The following CALN1 variants were observed in gnomAD, a reference collection of about 807,000 sequenced individuals.
CALN1 encodes calcium-binding protein 8.
CALN1 carries 17 observed loss-of-function variants against 30.6 expected under a neutral mutation model. The observed-to-expected ratio is 0.56, with a 90% CI of 0.38 to 0.83. CALN1 has a LOEUF of 0.83. CALN1 is among the 40% of genes least tolerant of loss of function. The pLI, the probability that CALN1 is intolerant of heterozygous loss-of-function variation, is 0.00. For missense variants in CALN1, 291 were observed against 354.9 expected (o/e 0.82, Z 1.45); for synonymous variants, 156 against 131.4 (o/e 1.19, Z -1.28).
At position 72,049,525 on chromosome 7, in the gene CALN1, G is replaced by A. The variant is rs144249488; in HGVS notation, c.389-25756C>T. Among the ~76,000 whole-genome samples the A allele has an allele frequency of 7.8e-4, 119 of 152,238 alleles. No individual in the cohort carries two copies. In the East Asian group the frequency reaches 0.02, roughly 26 times the overall value. On this transcript the variant is annotated intron_variant, in intron 4 of 6. Transcript: ENST00000395275. ...CAATAAGGTAGGATTTATTTATTTAGAGATGAAATTTCACTCTTGTTGCCC... is the reference window on the plus strand; with the variant it reads ...CAATAAGGTAGGATTTATTTATTTAAAGATGAAATTTCACTCTTGTTGCCC...
intron 2 of CALN1, among the ~76,000 whole-genome samples, chr7:72,385,971 CAA>C (rs1445618564): frequency 1.3e-5 from 2 of 152,120 alleles, no homozygotes; most frequent in Non-Finnish European, 2.9e-5. Flanking sequence ...TATCAAACCA[CAA>C]AGACACGGAT....
At chr7:72,225,029 G>A (rs1793570898) in intron 3 of CALN1, among the ~76,000 whole-genome samples, 1 of 151,882 alleles carries the variant, frequency 6.6e-6, no homozygotes, top group Admixed American at 6.6e-5. Flanking sequence ...ATGAACCCAG[G>A]AGGTGGAGCT....
rs550390534 is a variant in CALN1, at chr7:72,284,745, T to C, written c.120-5935A>G. 1.5e-3 allele frequency among the ~76,000 whole-genome samples: 225 copies of C among 152,278 alleles called. 4 individuals are homozygous for C. The highest frequency in any genetic ancestry group is 1.8e-4 in the Non-Finnish European group (12 of 68,024). On this transcript the variant is annotated intron_variant, in intron 2 of 6. Transcript: ENST00000395275. ...TCTTCAGCTTGCTGACAGCAGACTG[T>C]GGAATTTTCAGAGTCTGTAACTGCA...
At chr7:72,194,805 T>TGGGGTTTCACCATGTTGGCCA (rs1157126491) in intron 3 of CALN1, among the ~76,000 whole-genome samples, 1 of 151,942 alleles carries the variant, frequency 6.6e-6, no homozygotes, top group Non-Finnish European at 1.5e-5. Context: ...TTGGCCAGGA[T>TGGGGTTTCACCATGTTGGCCA]GGTCTCAATC....
chr7:71,945,720 C>T (rs575000377), intron 5 of CALN1, among the ~76,000 whole-genome samples: 26 of 152,336 alleles, frequency 1.7e-4, no homozygotes, highest in African/African-American at 6.0e-4. Flanking sequence ...CGTCTAGCTG[C>T]AGGAAAACAG....
At chr7:71,989,405 C>T (rs574083204) in intron 5 of CALN1, among the ~76,000 whole-genome samples, 1 of 150,834 alleles carries the variant, frequency 6.6e-6, no homozygotes, top group South Asian at 2.1e-4. Context: ...CATCACTGTA[C>T]TCCAGCCTGG....
chr7:72,376,082 T>C (rs1275577784), intron 2 of CALN1, among the ~76,000 whole-genome samples: 3 of 152,248 alleles, frequency 2.0e-5, no homozygotes, highest in African/African-American at 7.2e-5. Context: ...TTTATTCCTT[T>C]AGTTGGCTAG....
At chr7:72,203,415 T>C (rs1791583185) in intron 3 of CALN1, among the ~76,000 whole-genome samples, 1 of 152,164 alleles carries the variant, frequency 6.6e-6, no homozygotes, top group African/African-American at 2.4e-5. Flanking sequence ...GTCATGCTAT[T>C]TGTGGGTTTT....
chr7:71,860,868 A>C (rs1009715473), intron 5 of CALN1, among the ~76,000 whole-genome samples: 1 of 152,080 alleles, frequency 6.6e-6, no homozygotes, highest in Non-Finnish European at 1.5e-5. Flanking sequence ...ACTCTCACCA[A>C]AGCTACAGAG....
chr7:71,793,835 G>A (rs1786724143), intron 6 of CALN1, among the ~76,000 whole-genome samples: 1 of 152,032 alleles, frequency 6.6e-6, no homozygotes. Flanking sequence ...CTGCACTCAA[G>A]CCTGGGTGAC....
intron 6 of CALN1, among the ~76,000 whole-genome samples, chr7:71,790,114 G>C (rs1364346062): frequency 7.3e-6 from 1 of 137,506 alleles, no homozygotes; most frequent in African/African-American, 2.8e-5. Flanking sequence ...AGGAGAGAGA[G>C]AGAGAGAGAA....
chr7:72,080,133 C>T (rs185464807), intron 4 of CALN1, among the ~76,000 whole-genome samples: 3 of 152,174 alleles, frequency 2.0e-5, no homozygotes, highest in East Asian at 1.9e-4. Context: ...ACTAATGCCA[C>T]GTTTACTGTA....
intron 3 of CALN1, among the ~76,000 whole-genome samples, chr7:72,129,703 A>C (rs1383164364): frequency 1.3e-5 from 2 of 152,206 alleles, no homozygotes; most frequent in Non-Finnish European, 2.9e-5. Context: ...AAGCTTAGTG[A>C]TGGCCCCCTT....
At chr7:72,166,645 G>A (rs1214916032) in intron 3 of CALN1, among the ~76,000 whole-genome samples, 1 of 152,172 alleles carries the variant, frequency 6.6e-6, no homozygotes, top group East Asian at 1.9e-4. Context: ...CAAAATATGG[G>A]AAACAGAGTG....
At chr7:72,269,011 G>T (rs117884779) in intron 3 of CALN1, among the ~76,000 whole-genome samples, 7,924 of 152,182 alleles carry the variant, frequency 0.052, 267 homozygotes, top group Middle Eastern at 0.11. Context: ...CACATGACAA[G>T]CCCCATGCTC....
chr7:72,259,377 T>C (rs1257984069), intron 3 of CALN1, among the ~76,000 whole-genome samples: 4 of 152,070 alleles, frequency 2.6e-5, no homozygotes, highest in Non-Finnish European at 5.9e-5. Context: ...TCAGTTCTCA[T>C]CACCATTCCA....
intron 2 of CALN1, among the ~76,000 whole-genome samples, chr7:72,396,448 A>C (rs1585655151): frequency 1.3e-5 from 2 of 151,470 alleles, no homozygotes; most frequent in Non-Finnish European, 2.9e-5. Flanking sequence ...GGAAACAAAA[A>C]GTGGAGAAAT....
At chr7:71,841,226 G>A (rs140309241) in intron 5 of CALN1, among the ~76,000 whole-genome samples, 17 of 152,294 alleles carry the variant, frequency 1.1e-4, no homozygotes, top group African/African-American at 4.1e-4. Flanking sequence ...TAGAATGCAC[G>A]ACCCTCCCCA....
At chr7:72,451,212 G>GA (rs1562973699), upstream of CALN1, among the ~76,000 whole-genome samples, 679 of 101,990 alleles carry the variant, frequency 6.7e-3, 6 homozygotes, top group African/African-American at 0.011. Flanking sequence ...GAAGAAGAAG[G>GA]AGGAGGAGGA....
Sources: allele counts gnomAD v4.1 joint callset (sites outside exome capture counted in the v4.1 genomes callset), GRCh38; gene constraint gnomAD v4.1.1; transcripts MANE v1.5; gene names NCBI Gene and HGNC (gene_info 2026-07-23, HGNC 2026-07-21).